NUP133: variants seen among roughly 807,000 people sequenced by gnomAD.
The protein encoded by NUP133 is nucleoporin 133.
In NUP133, 66 loss-of-function variants were observed where a neutral mutation model predicts 146.2. The ratio of observed to expected loss-of-function variants is 0.45; its 90% CI spans 0.37 to 0.55. NUP133 has a LOEUF of 0.55. NUP133 is among the 20% of genes least tolerant of loss of function. The pLI, the probability that NUP133 is intolerant of heterozygous loss-of-function variation, is 0.00. For missense variants in NUP133, 1,277 were observed against 1,374.8 expected (o/e 0.93, Z 1.12); for synonymous variants, 521 against 498.8 (o/e 1.04, Z -0.59).
rs1355601635 is a variant in NUP133, at chr1:229,484,102, T to C, written c.1544A>G (p.Gln515Arg). The change falls in exon 12 of 26, where the codon CAG becomes CGG. Residue 515 changes from glutamine to arginine, a missense_variant. Coordinates refer to ENST00000261396, the MANE Select transcript of NUP133 (RefSeq NM_018230.3). ...ETTTKNETIA[Q>R]EDKIKLLKAA... ...TTTCAGCAACTTGATTTTATCTTCC[T>C]GGGCTATAGTTTCATTCTTTGTAGT... 1.2e-6 allele frequency: 2 copies of C among 1,613,738 alleles called. No individual in the cohort carries two copies. Among genetic ancestry groups the C allele is most frequent in the Non-Finnish European group, 1.7e-6 (2 of 1,179,768 alleles).
intron 5 of NUP133, 65 bp downstream of exon 5, chr1:229,499,619 C>G: frequency 6.5e-7 from 1 of 1,533,174 alleles, no homozygotes; most frequent in Non-Finnish European, 8.8e-7. Flanking sequence ...AAAATAAAAA[C>G]AAAAATTTAT....
intron 2 of NUP133, among the ~76,000 whole-genome samples, chr1:229,503,819 C>T (rs1661866796): frequency 6.6e-6 from 1 of 152,200 alleles, no homozygotes; most frequent in South Asian, 2.1e-4. Context: ...CAAGTTGACA[C>T]ACCTCTTTGT....
At chr1:229,475,572 G>C (rs1276978956) in intron 14 of NUP133, 66 bp downstream of exon 14, 14 of 1,149,272 alleles carry the variant, frequency 1.2e-5, no homozygotes, top group Non-Finnish European at 1.8e-5. Context: ...AGAGAGAAGA[G>C]ACTTCCCACT....
In NUP133 at chr1:229,502,057, C is replaced by G; in HGVS notation, c.347G>C (p.Cys116Ser). Residue 116 changes from cysteine (C) to serine (S), a missense_variant, in exon 3 of 26, where the codon TGT becomes TCT. By Grantham distance (112) the Cys-to-Ser change is moderately radical. This residue lies in a region of NUP133 where 319 missense variants were observed against 306.9 expected (regional missense o/e 1.04). Transcript: ENST00000261396. ...AATGAGCTTCTCTTTGCACACCAGACAAGCCCATCCACCTTCATCTATGTT... is the reference window on the plus strand; with the variant it reads ...AATGAGCTTCTCTTTGCACACCAGAGAAGCCCATCCACCTTCATCTATGTT... ...TINIDEGGWA[C>S]LVCKEKLIIW... 1.2e-6 allele frequency: 2 copies of G among 1,614,042 alleles called. No individual in the cohort carries two copies. Among genetic ancestry groups the G allele is most frequent in the Non-Finnish European group, 1.7e-6 (2 of 1,179,960 alleles).
At chr1:229,474,906 C>T (rs982943565) in intron 14 of NUP133, among the ~76,000 whole-genome samples, 2 of 151,948 alleles carry the variant, frequency 1.3e-5, no homozygotes, top group African/African-American at 4.8e-5. Flanking sequence ...AGTTCGAGAC[C>T]AGCCTGGGCA....
At chr1:229,450,469 C>T in intron 23 of NUP133, 56 bp downstream of exon 23, 1 of 873,046 alleles carries the variant, frequency 1.1e-6, no homozygotes, top group South Asian at 1.7e-5. Flanking sequence ...GAGGGATCTC[C>T]CTCTTTTTAT....
intron 20 of NUP133, among the ~76,000 whole-genome samples, chr1:229,460,392 G>A (rs1331646944): frequency 6.6e-6 from 1 of 152,032 alleles, no homozygotes; most frequent in Non-Finnish European, 1.5e-5. Context: ...TCCTAGGCTG[G>A]TCTTGAACTC....
rs189115529 is a variant in NUP133 at position 229,441,572 on chromosome 1, G to A, written c.*332C>T. 1.1e-5 allele frequency: 5 copies of A among 435,902 alleles called. No individual in the cohort carries two copies. The highest frequency in any genetic ancestry group is 2.0e-5 in the African/African-American group (1 of 49,170). The allele number at this position is 435,902 out of a possible 1,614,324, so 27.0% of individuals were successfully genotyped here. A position where few individuals can be genotyped will look rare whatever the true frequency, so the allele number is the denominator to read the frequency against. ...GTGCAATCTAGTAATTTTCATAGTCGCAGAAACTGAGGCCTAGAAGTGATT... is the reference window on the plus strand; with the variant it reads ...GTGCAATCTAGTAATTTTCATAGTCACAGAAACTGAGGCCTAGAAGTGATT... On this transcript the variant is annotated 3_prime_UTR_variant, in exon 26 of 26. Transcript: ENST00000261396.
At chr1:229,491,949 T>C (rs1432873245) in intron 8 of NUP133, among the ~76,000 whole-genome samples, 6 of 152,188 alleles carry the variant, frequency 3.9e-5, no homozygotes, top group Admixed American at 2.6e-4. Context: ...TTTTTAGCCA[T>C]TGGTTATAGA....
intron 18 of NUP133, 50 bp downstream of exon 18, chr1:229,464,574 T>G: frequency 6.3e-7 from 1 of 1,593,792 alleles, no homozygotes; most frequent in African/African-American, 1.3e-5. Flanking sequence ...TATTCAACCC[T>G]TTCATCCATT....
chr1:229,475,659 A>G lies in NUP133; in HGVS notation c.1830T>C (p.Phe610=), dbSNP rs749324748. Residue 610 remains phenylalanine, a synonymous_variant, in exon 14 of 26, where the codon TTT becomes TTC. Coordinates refer to ENST00000261396, the MANE Select transcript of NUP133 (RefSeq NM_018230.3). ...TTACTTGATGAATAAAGTCCATAAGAAAAGAGTGAGCTTTCATCTTGTCTT... is the reference window on the plus strand; with the variant it reads ...TTACTTGATGAATAAAGTCCATAAGGAAAGAGTGAGCTTTCATCTTGTCTT... ...QLEDKMKAHS[F]LMDFIHQVGL... is the part of the protein sequence containing the mutation. 3.7e-6 allele frequency: 6 copies of G among 1,614,130 alleles called. No homozygotes were observed. The Admixed American group carries it at 5.0e-5, about 13-fold the overall frequency.
chr1:229,446,052 G>C (rs891716412), intron 24 of NUP133, among the ~76,000 whole-genome samples: 1 of 152,074 alleles, frequency 6.6e-6, no homozygotes, highest in Non-Finnish European at 1.5e-5. Context: ...TCATTGAATC[G>C]TAACATAAAC....
chr1:229,483,807 A>G (rs752615046), intron 12 of NUP133, among the ~76,000 whole-genome samples: 1 of 151,884 alleles, frequency 6.6e-6, no homozygotes, highest in Non-Finnish European at 1.5e-5. Flanking sequence ...TTAATGGTAC[A>G]TTGTTTTTCA....
rs1661661670 is a variant in NUP133, at chr1:229,496,556, T to C, written c.820-509A>G. ...AAGGTTGGATCTATAGGAAGAAGGA[T>C]ACAGGTGGAAAGCCCAAGAGGAGAA... On this transcript the variant is annotated intron_variant, in intron 6 of 25. Coordinates refer to ENST00000261396, the MANE Select transcript of NUP133 (RefSeq NM_018230.3). 2.6e-5 allele frequency among the ~76,000 whole-genome samples: 4 copies of C among 152,108 alleles called. No homozygotes were observed. The South Asian group carries it at 8.3e-4, about 32-fold the overall frequency.
intron 13 of NUP133, among the ~76,000 whole-genome samples, 173 bp from the exon 14 acceptor site, chr1:229,475,905 C>G (rs549971697): frequency 4.6e-5 from 7 of 152,064 alleles, no homozygotes; most frequent in Non-Finnish European, 7.4e-5. Flanking sequence ...GTCAAGAGAT[C>G]GAGACCATCC....
At chr1:229,470,864 T>G in intron 14 of NUP133, 60 bp from the exon 15 acceptor site, 9 of 1,484,406 alleles carry the variant, frequency 6.1e-6, no homozygotes, top group Non-Finnish European at 7.5e-6. Flanking sequence ...CAAAATACCA[T>G]AGCTGTATTT....
At chr1:229,490,661 G>C (rs1661488070) in intron 8 of NUP133, among the ~76,000 whole-genome samples, 1 of 152,182 alleles carries the variant, frequency 6.6e-6, no homozygotes, top group African/African-American at 2.4e-5. Context: ...TTGTGTATCT[G>C]TCAAAATTTG....
rs772323395 is a variant in NUP133, at chr1:229,508,237, C to T, written c.13G>A (p.Ala5Thr). 7 of 1,531,380 alleles carry T rather than the reference C, an allele frequency of 4.6e-6. No individual in the cohort carries two copies. The East Asian group carries it at 1.2e-4, about 27-fold the overall frequency. The allele number at this position is 1,531,380 out of a possible 1,614,324, so 94.9% of individuals were successfully genotyped here. Residue 5 changes from alanine (A) to threonine (T), a missense_variant, in exon 1 of 26, where the codon GCC (alanine) becomes ACC (threonine). By Grantham distance (58) the Ala-to-Thr change is moderately conservative. This residue lies in a region of NUP133 where 319 missense variants were observed against 306.9 expected (regional missense o/e 1.04). Coordinates refer to ENST00000261396, the MANE Select transcript of NUP133 (RefSeq NM_018230.3). MFPA[A>T]PSPRTPGTGS... ...GTACCCGGGGTCCGCGGAGAAGGGGCGGCTGGGAACATGACTCCAAGGAGC... is the reference window on the plus strand; with the variant it reads ...GTACCCGGGGTCCGCGGAGAAGGGGTGGCTGGGAACATGACTCCAAGGAGC...
chr1:229,448,423 T>G (rs1032128071), intron 24 of NUP133, among the ~76,000 whole-genome samples: 2 of 151,832 alleles, frequency 1.3e-5, no homozygotes. Context: ...AGCTAAACTC[T>G]GTCTCAAAAT....
Sources: allele counts gnomAD v4.1 joint callset (sites outside exome capture counted in the v4.1 genomes callset), GRCh38; gene constraint gnomAD v4.1.1; regional missense constraint gnomAD v4.1.1; transcripts MANE v1.5; gene names NCBI Gene and HGNC (gene_info 2026-07-23, HGNC 2026-07-21).